Variants in RBFOX1 observed in about 807,000 individuals in gnomAD.
RBFOX1 encodes RNA binding protein fox-1 homolog 1.
In RBFOX1, 8 loss-of-function variants were observed where a neutral mutation model predicts 57.7. The observed-to-expected ratio is 0.14, with a 90% CI of 0.08 to 0.25. The LOEUF (loss-of-function observed/expected upper bound fraction) is 0.25, where lower values mean the gene tolerates loss of function less well. Ranked by LOEUF, RBFOX1 falls within the 10% of genes least tolerant of loss-of-function variation. The pLI is 1.00. For synonymous variants in RBFOX1, 326 were observed against 222.4 expected (o/e 1.47, Z -4.15); for missense variants, 611 against 548.5 (o/e 1.11, Z -1.14).
At chr16:5,279,136 A>T (rs113298793) in intron 1 of RBFOX1, among the ~76,000 whole-genome samples, 4 of 151,848 alleles carry the variant, frequency 2.6e-5, no homozygotes, top group Non-Finnish European at 5.9e-5. Flanking sequence ...AATATAATTG[A>T]TAGGGATTAT....
intron 3 of RBFOX1, among the ~76,000 whole-genome samples, chr16:6,897,022 C>T (rs376526771): frequency 6.6e-6 from 1 of 152,142 alleles, no homozygotes; most frequent in Non-Finnish European, 1.5e-5. Flanking sequence ...CTGTGCAGAG[C>T]TCCCTGTGCC....
Position 5,403,067 on chromosome 16 carries a change from ACGGGCGG to A in RBFOX1, c.220-64148_220-64142del, listed in dbSNP as rs1458331561. Among the ~76,000 whole-genome samples the A allele has an allele frequency of 1.6e-3, 251 of 152,224 alleles. 2 individuals carry two copies. The highest frequency in any genetic ancestry group is 5.5e-3 in the African/African-American group (228 of 41,540). ...GCAAAAGTGTCATAAAACCCTTACT[ACGGGCGG>A]GGCATGGTGACTCATGCCTATAATC... On this transcript the variant is annotated intron_variant, in intron 1 of 2. Transcript: ENST00000585867.
chr16:7,502,352 C>G (rs1421045225), intron 4 of RBFOX1, among the ~76,000 whole-genome samples: 1 of 152,182 alleles, frequency 6.6e-6, no homozygotes, highest in East Asian at 1.9e-4. Context: ...TGGGAGGTCT[C>G]TGGTTTCATG....
In RBFOX1 at chr16:7,676,815, C is replaced by T. The variant is rs1437258539; in HGVS notation, c.972C>T (p.Ala324=). The T allele has an allele frequency of 4.3e-6, 7 of 1,613,172 alleles. No individual in the cohort carries two copies. Among genetic ancestry groups the T allele is most frequent in the Admixed American group, 1.7e-5 (1 of 59,988 alleles). ...AAYRYAQPTP[A]TAAAYSDSYG... is the part of the protein sequence containing the mutation. Reference sequence around the variant, plus strand: ...ACCGCTACGCCCAGCCTACCCCTGCCACTGCCGCTGCCTACAGTGACAGGT... The same window carrying T: ...ACCGCTACGCCCAGCCTACCCCTGCTACTGCCGCTGCCTACAGTGACAGGT... Residue 324 remains alanine, a synonymous_variant, in exon 14 of 16, where the codon GCC becomes GCT. Transcript: ENST00000550418.
At chr16:6,801,653 C>A (rs571691323) in intron 3 of RBFOX1, among the ~76,000 whole-genome samples, 101 of 152,022 alleles carry the variant, frequency 6.6e-4, no homozygotes, top group Admixed American at 2.4e-3. Flanking sequence ...AAAGGTGTTT[C>A]TGGACCAAAC....
chr16:7,620,977 A>T (rs1054644544), intron 10 of RBFOX1, among the ~76,000 whole-genome samples: 1 of 152,110 alleles, frequency 6.6e-6, no homozygotes, highest in African/African-American at 2.4e-5. Context: ...AATCCCTAGC[A>T]ATTTACTGTT....
chr16:6,402,902 A>G (rs937834095), intron 2 of RBFOX1, among the ~76,000 whole-genome samples: 1 of 152,244 alleles, frequency 6.6e-6, no homozygotes, highest in Non-Finnish European at 1.5e-5. Context: ...GGAATGAAAT[A>G]TAAACACTAA....
chr16:5,264,711 G>T (rs761383469), intron 1 of RBFOX1, among the ~76,000 whole-genome samples: 4 of 152,144 alleles, frequency 2.6e-5, no homozygotes, highest in Non-Finnish European at 5.9e-5. Flanking sequence ...TGGCCAGTAG[G>T]CTGGGGGCAG....
At chr16:7,696,443 G>A (rs1297861604) in intron 14 of RBFOX1, among the ~76,000 whole-genome samples, 1 of 152,096 alleles carries the variant, frequency 6.6e-6, no homozygotes, top group Non-Finnish European at 1.5e-5. Flanking sequence ...GATTCATTAG[G>A]AATTTTCCAG....
chr16:7,238,416 C>T (rs199915046), intron 4 of RBFOX1, among the ~76,000 whole-genome samples: 1 of 152,130 alleles, frequency 6.6e-6, no homozygotes, highest in Non-Finnish European at 1.5e-5. Context: ...GTCTAAGTTC[C>T]CAAAACAGAT....
intron 3 of RBFOX1, among the ~76,000 whole-genome samples, chr16:5,691,926 T>A (rs964809999): frequency 8.5e-5 from 13 of 152,196 alleles, no homozygotes; most frequent in Admixed American, 2.6e-4. Context: ...CTTCCTCCAC[T>A]TTGTGGTCAT....
rs2094644260 is a variant in RBFOX1, at chr16:7,595,616, C to T, written c.536C>T (p.Thr179Ile). 2 of 1,580,800 alleles carry T rather than the reference C, an allele frequency of 1.3e-6. No individual in the cohort carries two copies. The highest frequency in any genetic ancestry group is 2.3e-5 in the East Asian group (1 of 43,666). ...ADRAREKLHG[T>I]VVEGRKIEVN... ...AGGGCGAGGGAGAAATTACACGGCA[C>T]CGTGGTAGAGGGCCGTAAAATCGAG... The change falls in exon 8 of 16, where the codon ACC becomes ATC. Residue 179 changes from threonine to isoleucine, a missense_variant. Physicochemically the swap from Thr to Ile is moderately conservative, Grantham distance 89. This residue lies in a region of RBFOX1 where 99 missense variants were observed against 160.3 expected (regional missense o/e 0.62). Transcript: ENST00000550418.
At chr16:7,536,336 G>A (rs1238925316) in intron 5 of RBFOX1, among the ~76,000 whole-genome samples, 1 of 152,240 alleles carries the variant, frequency 6.6e-6, no homozygotes, top group Non-Finnish European at 1.5e-5. Context: ...GCTCATGCCT[G>A]TATTCCCAGT....
intron 2 of RBFOX1, among the ~76,000 whole-genome samples, chr16:6,536,451 A>G (rs1349008749): frequency 1.3e-5 from 2 of 152,254 alleles, no homozygotes; most frequent in South Asian, 2.1e-4. Context: ...ATAATATGAT[A>G]TGGGACATCC....
At chr16:6,064,954 C>G (rs1210481294) in intron 1 of RBFOX1, among the ~76,000 whole-genome samples, 4 of 151,728 alleles carry the variant, frequency 2.6e-5, no homozygotes, top group Admixed American at 2.0e-4. Flanking sequence ...GACCCAGTAT[C>G]TGTAATTAAA....
chr16:7,399,234 G>A (rs544772972), intron 4 of RBFOX1, among the ~76,000 whole-genome samples: 1 of 152,332 alleles, frequency 6.6e-6, no homozygotes, highest in Admixed American at 6.5e-5. Context: ...GATTACCTGA[G>A]GTCAGTAGTT....
intron 3 of RBFOX1, among the ~76,000 whole-genome samples, chr16:5,621,059 C>T (rs139757320): frequency 6.6e-6 from 1 of 152,160 alleles, no homozygotes; most frequent in Non-Finnish European, 1.5e-5. Flanking sequence ...CCAGGATGGT[C>T]TTGATGTCCT....
chr16:7,513,670 A>G (rs1051958891), intron 4 of RBFOX1, among the ~76,000 whole-genome samples: 2 of 152,070 alleles, frequency 1.3e-5, no homozygotes, highest in South Asian at 4.2e-4. Flanking sequence ...GTGGGGAGCA[A>G]TCACACCTCT....
intron 1 of RBFOX1, among the ~76,000 whole-genome samples, chr16:6,102,947 G>T (rs1399523190): frequency 6.6e-6 from 1 of 152,158 alleles, no homozygotes; most frequent in Non-Finnish European, 1.5e-5. Context: ...AGGCTTCTTA[G>T]AGTGTTCAGG....
Sources: allele counts gnomAD v4.1 joint callset (sites outside exome capture counted in the v4.1 genomes callset), GRCh38; gene constraint gnomAD v4.1.1; regional missense constraint gnomAD v4.1.1; transcripts MANE v1.5; gene names NCBI Gene and HGNC (gene_info 2026-07-23, HGNC 2026-07-21).